The following INIP variants were observed in gnomAD, a reference collection of about 807,000 sequenced individuals.
The protein encoded by INIP is SOSS complex subunit C.
INIP carries 9 observed loss-of-function variants against 14.0 expected under a neutral mutation model. The observed-to-expected ratio is 0.64, with a 90% CI of 0.39 to 1.12. INIP has a LOEUF of 1.12. Ranked by LOEUF, INIP falls within the 50% of genes most tolerant of loss-of-function variation. INIP has a pLI of 0.01. For missense variants in INIP, 78 were observed against 122.7 expected, an observed-to-expected ratio of 0.64 and a Z score of 1.72; for synonymous variants, 37 against 41.5, an observed-to-expected ratio of 0.89 and a Z score of 0.41.
chr9:112,713,385 T>C (rs552410375), intron 2 of INIP, among the ~76,000 whole-genome samples: 1 of 152,112 alleles, frequency 6.6e-6, no homozygotes, highest in Non-Finnish European at 1.5e-5. Flanking sequence ...GAAGCGCATA[T>C]ACTAAAATAA....
intron 2 of INIP, among the ~76,000 whole-genome samples, chr9:112,695,260 A>G (rs559372783): frequency 1.7e-4 from 26 of 151,574 alleles, no homozygotes; most frequent in African/African-American, 4.8e-4. Context: ...CTACAGAAAA[A>G]AAAAAAAAAA....
At position 112,715,139 on chromosome 9, in the gene INIP, C is replaced by T. The variant is rs1461348819; in HGVS notation, c.25+1322G>A. Among the ~76,000 whole-genome samples, 260 of 69,766 alleles carry T rather than the reference C, an allele frequency of 3.7e-3. 1 individual carries two copies. The highest frequency in any genetic ancestry group is 0.01 in the African/African-American group (229 of 22,384). The allele number at this position is 69,766 out of a possible 152,430, so 45.8% of individuals were successfully genotyped here. The stretch of plus-strand genomic sequence containing the variant: ...ACACACATACATACATACATACACA[C>T]ACACACACACACACACACACACACA... On this transcript the variant is annotated intron_variant, in intron 2 of 4. Coordinates refer to ENST00000374242, the MANE Select transcript of INIP (RefSeq NM_021218.3).
intron 1 of INIP, among the ~76,000 whole-genome samples, chr9:112,717,593 T>C (rs1838867407): frequency 6.6e-6 from 1 of 151,382 alleles, no homozygotes; most frequent in Admixed American, 6.6e-5. Context: ...GGCAAAGAAT[T>C]GATTTCATTG....
At chr9:112,687,673 A>C (rs764536415) in intron 4 of INIP, 40 bp from the exon 5 acceptor site, 1 of 1,195,598 alleles carries the variant, frequency 8.4e-7, no homozygotes, top group African/African-American at 1.5e-5. Context: ...TAAGCTATTA[A>C]ATAGAGTCAC....
At position 112,694,442 on chromosome 9, in the gene INIP, A is replaced by T. The variant is rs543675537; in HGVS notation, c.26-209T>A. 3.9e-5 allele frequency among the ~76,000 whole-genome samples: 6 copies of T among 152,364 alleles called. No homozygotes were observed. The East Asian group carries it at 1.2e-3, about 29-fold the overall frequency. ...GTAACTTTAACAGCATAATTCATGA[A>T]TACTTAAGCAGAATATAATATCAAA... On this transcript the variant is annotated intron_variant, in intron 2 of 4. Transcript: ENST00000374242.
chr9:112,690,581 G>A (rs1278551016), intron 3 of INIP, among the ~76,000 whole-genome samples: 1 of 152,216 alleles, frequency 6.6e-6, no homozygotes, highest in Non-Finnish European at 1.5e-5. Flanking sequence ...CCTCCTTGCT[G>A]ATGGAACCCA....
At chr9:112,710,336 A>T (rs773204172) in intron 2 of INIP, among the ~76,000 whole-genome samples, 14 of 152,168 alleles carry the variant, frequency 9.2e-5, no homozygotes, top group Non-Finnish European at 1.3e-4. Flanking sequence ...TGTAAAATTG[A>T]AAAAAATAAA....
intron 2 of INIP, 99 bp downstream of exon 2, chr9:112,716,362 C>G (rs1181865165): frequency 9.2e-7 from 1 of 1,087,556 alleles, no homozygotes; most frequent in Admixed American, 1.8e-5. Flanking sequence ...TTTTTAAATT[C>G]TGGCTACAGT....
At chr9:112,694,040 A>C (rs1837987297) in intron 3 of INIP, 91 bp downstream of exon 3, 1 of 767,714 alleles carries the variant, frequency 1.3e-6, no homozygotes, top group South Asian at 1.8e-5. Context: ...GCACCATTGC[A>C]CTCCAGCCTG....
intron 2 of INIP, among the ~76,000 whole-genome samples, chr9:112,716,229 T>C (rs1273625234): frequency 2.0e-5 from 3 of 152,054 alleles, no homozygotes; most frequent in East Asian, 1.9e-4. Flanking sequence ...CCCGCCACCA[T>C]GCCCAGCTAA....
Position 112,686,281 on chromosome 9 carries a change from C to T in INIP, c.*1257G>A, listed in dbSNP as rs369142401. On this transcript the variant is annotated 3_prime_UTR_variant, in exon 5 of 5. Coordinates refer to ENST00000374242, the MANE Select transcript of INIP (RefSeq NM_021218.3). ...AACCCATGCGTGTATAAATATATCA[C>T]GAAAATCTGTACAAGATATTTCATA... is the stretch of plus-strand genomic sequence containing the variant. 6.6e-6 allele frequency: 1 copy of T among 152,002 alleles called. No individual in the cohort carries two copies. The highest frequency in any genetic ancestry group is 1.5e-5 in the Non-Finnish European group (1 of 68,018). The allele number at this position is 152,002 out of a possible 1,614,324, so 9.4% of individuals were successfully genotyped here. A position where few individuals can be genotyped will look rare whatever the true frequency, so the allele number is the denominator to read the frequency against.
chr9:112,716,441 G>C lies in INIP; in HGVS notation c.25+20C>G, dbSNP rs370346933. 1 of 1,609,520 alleles carries C rather than the reference G, an allele frequency of 6.2e-7. No homozygotes were observed. The highest frequency in any genetic ancestry group is 8.5e-7 in the Non-Finnish European group (1 of 1,176,074). The stretch of plus-strand genomic sequence containing the variant: ...ATATTGGGGAAATGTTCATAGTAAA[G>C]AAATTCCTGCTGTCATTACCTTGTC... On this transcript the variant is annotated intron_variant, in intron 2 of 4. Transcript: ENST00000374242.
intron 3 of INIP, among the ~76,000 whole-genome samples, chr9:112,692,428 C>A (rs1003442834): frequency 1.3e-5 from 2 of 152,090 alleles, no homozygotes; most frequent in Admixed American, 1.3e-4. Flanking sequence ...GCACTACAGG[C>A]ATGCACCACC....
chr9:112,716,415 T>C (rs376957762), intron 2 of INIP, 46 bp downstream of exon 2: 307 of 1,550,296 alleles, frequency 2.0e-4, no homozygotes, highest in Non-Finnish European at 2.5e-4. Flanking sequence ...ATACATTTAC[T>C]ATATTGGGGA....
chr9:112,705,721 A>G (rs1484052176), intron 2 of INIP, among the ~76,000 whole-genome samples: 1 of 152,230 alleles, frequency 6.6e-6, no homozygotes, highest in African/African-American at 2.4e-5. Flanking sequence ...CATGCCCCAA[A>G]TATCTTCAGA....
chr9:112,702,206 A>G (rs1034531225), intron 2 of INIP, among the ~76,000 whole-genome samples: 1 of 152,212 alleles, frequency 6.6e-6, no homozygotes, highest in Non-Finnish European at 1.5e-5. Flanking sequence ...AGCAGTATCA[A>G]TTTCCCTCAA....
At chr9:112,714,700 C>A (rs1412058870) in intron 2 of INIP, among the ~76,000 whole-genome samples, 2 of 152,128 alleles carry the variant, frequency 1.3e-5, no homozygotes, top group Non-Finnish European at 2.9e-5. Context: ...TGTAAATAAT[C>A]TTAAAATAGA....
intron 4 of INIP, 55 bp from the exon 5 acceptor site, chr9:112,687,688 C>G (rs1380304748): frequency 7.8e-6 from 8 of 1,029,210 alleles, no homozygotes; most frequent in Non-Finnish European, 1.1e-5. Flanking sequence ...AGTCACAATT[C>G]TTCGACCAAG....
At chr9:112,689,505 G>T in intron 4 of INIP, 22 bp downstream of exon 4, 1 of 1,599,598 alleles carries the variant, frequency 6.3e-7, no homozygotes, top group South Asian at 1.1e-5. Flanking sequence ...ACCGAGGCAA[G>T]AATGTCAGTT....
Sources: allele counts gnomAD v4.1 joint callset (sites outside exome capture counted in the v4.1 genomes callset), GRCh38; gene constraint gnomAD v4.1.1; transcripts MANE v1.5; gene names NCBI Gene and HGNC (gene_info 2026-07-23, HGNC 2026-07-21).